Variants in SLIT3 observed in about 807,000 individuals in gnomAD.
The protein encoded by SLIT3 is slit guidance ligand 3, also known as slit homolog 3 protein.
SLIT3 carries 68 observed loss-of-function variants against 184.0 expected under a neutral mutation model. That is an observed-to-expected ratio of 0.37 (90% CI 0.30 to 0.45). SLIT3 has a LOEUF of 0.45. Ranked by LOEUF, SLIT3 falls within the 20% of genes least tolerant of loss-of-function variation. SLIT3 has a pLI of 1.00. For missense variants in SLIT3, 1,707 were observed against 2,026.0 expected (o/e 0.84, Z 3.02); for synonymous variants, 831 against 828.6 (o/e 1.00, Z -0.05).
chr5:168,894,081 T>C (rs1341777455), intron 4 of SLIT3, among the ~76,000 whole-genome samples: 1 of 152,182 alleles, frequency 6.6e-6, no homozygotes, highest in African/African-American at 2.4e-5. Context: ...TCAAATAAAA[T>C]GGCAGATCCT....
chr5:168,774,469 T>C, intron 12 of SLIT3, 91 bp from the exon 13 acceptor site: 1 of 1,301,052 alleles, frequency 7.7e-7, no homozygotes, highest in Admixed American at 2.2e-5. Context: ...GCTGCAAAGC[T>C]CCCATCACTC....
At chr5:169,233,503 C>A (rs1765084287) in intron 3 of SLIT3, among the ~76,000 whole-genome samples, 1 of 151,330 alleles carries the variant, frequency 6.6e-6, no homozygotes, top group South Asian at 2.1e-4. Context: ...GTGTGCTGGG[C>A]TTAATACTTA....
rs1429888193 is a variant in SLIT3 at position 168,772,857 on chromosome 5, C to A, written c.1383G>T (p.Gly461=). Reference sequence around the variant, plus strand: ...GTCGGCGCGGGCTGCTGCAGCGGGCCCCGCTTGTCTCGATGGGGTTGTCCT... The same window carrying A: ...GTCGGCGCGGGCTGCTGCAGCGGGCACCGCTTGTCTCGATGGGGTTGTCCT... ...YLQDNPIETS[G]ARCSSPRRLA... is the part of the protein sequence containing the mutation. Residue 461 remains glycine (G), a synonymous_variant, in exon 14 of 36, where the codon GGG becomes GGT. Coordinates refer to ENST00000519560, the MANE Select transcript of SLIT3 (RefSeq NM_003062.4). The A allele has an allele frequency of 6.2e-7, 1 of 1,614,052 alleles. No individual in the cohort carries two copies. The highest frequency in any genetic ancestry group is 1.1e-5 in the South Asian group (1 of 91,050).
At chr5:168,884,558 A>ATATATATATATATATATATATATC (rs1760111812) in intron 4 of SLIT3, among the ~76,000 whole-genome samples, 1 of 109,226 alleles carries the variant, frequency 9.2e-6, no homozygotes, top group Non-Finnish European at 2.0e-5. Flanking sequence ...AGATATATAT[A>ATATATATATATATATATATATATC]TATATATATA....
At chr5:168,965,439 T>G (rs1437710274) in intron 4 of SLIT3, among the ~76,000 whole-genome samples, 1 of 152,238 alleles carries the variant, frequency 6.6e-6, no homozygotes, top group Non-Finnish European at 1.5e-5. Context: ...CTCTCAAATA[T>G]GAACTTGAGA....
intron 4 of SLIT3, among the ~76,000 whole-genome samples, chr5:168,951,411 G>T (rs1308854786): frequency 6.6e-6 from 1 of 152,118 alleles, no homozygotes; most frequent in African/African-American, 2.4e-5. Context: ...AGAAGATCAG[G>T]CAAGGACAGC....
chr5:169,154,816 G>T (rs888623233), intron 4 of SLIT3, among the ~76,000 whole-genome samples: 14 of 152,196 alleles, frequency 9.2e-5, no homozygotes, highest in Non-Finnish European at 2.9e-5. Flanking sequence ...GAAATATGTA[G>T]CAAACTGAGA....
chr5:168,772,657 A>T, intron 14 of SLIT3, 124 bp downstream of exon 14: 1 of 1,044,392 alleles, frequency 9.6e-7, no homozygotes, highest in Non-Finnish European at 1.4e-6. Flanking sequence ...CCCCAATTTA[A>T]TTTGCAAAGA....
chr5:168,986,741 G>C (rs1214165349), intron 4 of SLIT3, among the ~76,000 whole-genome samples: 3 of 152,186 alleles, frequency 2.0e-5, no homozygotes, highest in Non-Finnish European at 4.4e-5. Flanking sequence ...CCATGGGTGA[G>C]TGACCACCTC....
chr5:169,165,503 A>T (rs1252686437), intron 4 of SLIT3, among the ~76,000 whole-genome samples: 2 of 152,226 alleles, frequency 1.3e-5, no homozygotes, highest in African/African-American at 4.8e-5. Flanking sequence ...GCACTATTCT[A>T]AGTGCGTTAC....
At chr5:169,139,262 C>G (rs1215806346) in intron 4 of SLIT3, among the ~76,000 whole-genome samples, 1 of 152,182 alleles carries the variant, frequency 6.6e-6, no homozygotes, top group South Asian at 2.1e-4. Context: ...TGGTCCTTGT[C>G]CTCAAGAAAC....
intron 4 of SLIT3, 105 bp from the exon 5 acceptor site, chr5:168,883,441 G>A (rs546338820): frequency 3.8e-5 from 32 of 838,490 alleles, no homozygotes; most frequent in South Asian, 7.4e-5. Context: ...CTGCCTCTGC[G>A]GTCAGAGTGT....
intron 4 of SLIT3, among the ~76,000 whole-genome samples, chr5:169,008,537 AC>A (rs1756015855): frequency 6.6e-6 from 1 of 152,136 alleles, no homozygotes; most frequent in South Asian, 2.1e-4. Flanking sequence ...GGCTAGCTCC[AC>A]CTTTCTATTG....
At chr5:169,216,380 T>C (rs1351500505) in intron 3 of SLIT3, among the ~76,000 whole-genome samples, 1 of 152,210 alleles carries the variant, frequency 6.6e-6, no homozygotes, top group East Asian at 1.9e-4. Flanking sequence ...CTCACCATTT[T>C]TCTGGCCTCC....
At chr5:168,843,866 T>C (rs887609471) in intron 6 of SLIT3, among the ~76,000 whole-genome samples, 4 of 152,168 alleles carry the variant, frequency 2.6e-5, no homozygotes, top group Non-Finnish European at 4.4e-5. Flanking sequence ...TTAGTTAGAC[T>C]CATTTGAAAA....
chr5:169,173,077 C>T (rs1482923718), intron 4 of SLIT3, among the ~76,000 whole-genome samples: 1 of 152,156 alleles, frequency 6.6e-6, no homozygotes, highest in African/African-American at 2.4e-5. Context: ...GGCTGACTAA[C>T]ATGATGAAAC....
rs1754627017 is a variant in SLIT3 at position 168,749,632 on chromosome 5, G to A, written c.1977C>T (p.Asn659=). ...TGCAGTTGAAGGGGTTGGACAGGAG[G>A]TTTCTAGGAAGAGAGAAGGGTGCTT... is the stretch of plus-strand genomic sequence containing the variant. ...FTTLVSLSTI[N]LLSNPFNCNC... Residue 659 remains asparagine (N), a synonymous_variant, in exon 19 of 36, where the codon AAC becomes AAT. Transcript: ENST00000519560. 6.2e-7 allele frequency: 1 copy of A among 1,614,024 alleles called. No individual in the cohort carries two copies. The highest frequency in any genetic ancestry group is 1.3e-5 in the African/African-American group (1 of 74,926).
chr5:169,115,379 A>G (rs569390272), intron 4 of SLIT3, among the ~76,000 whole-genome samples: 6 of 152,226 alleles, frequency 3.9e-5, no homozygotes, highest in Non-Finnish European at 8.8e-5. Flanking sequence ...AGCAATTAGC[A>G]GAGTTCCATG....
At chr5:169,207,407 A>G (rs1044765222) in intron 3 of SLIT3, among the ~76,000 whole-genome samples, 3 of 151,596 alleles carry the variant, frequency 2.0e-5, no homozygotes, top group Non-Finnish European at 2.9e-5. Context: ...ACACACACAC[A>G]CACACACACG....
Sources: gnomAD v4.1 joint callset for allele counts (sites outside exome capture counted in the v4.1 genomes callset) on GRCh38, gnomAD v4.1.1 for gene constraint, MANE v1.5 for transcripts, NCBI Gene and HGNC (gene_info 2026-07-23, HGNC 2026-07-21) for gene names.